CSMD1: variants seen among roughly 807,000 people sequenced by gnomAD.
CSMD1 encodes CUB and Sushi multiple domains 1, also known as CUB and sushi domain-containing protein 1.
Under a neutral mutation model 417.5 loss-of-function variants are expected in CSMD1, and 213 were observed. The ratio of observed to expected loss-of-function variants is 0.51; its 90% CI spans 0.46 to 0.57. The LOEUF (loss-of-function observed/expected upper bound fraction) is 0.57, where lower values mean the gene tolerates loss of function less well. Among genes scored for constraint, CSMD1 ranks in the 20% least tolerant of loss-of-function variants. CSMD1 has a pLI of 0.00. For missense variants in CSMD1, 6,923 were observed against 4,529.7 expected, an observed-to-expected ratio of 1.53 and a Z score of -15.17; for synonymous variants, 2,862 against 1,736.8, an observed-to-expected ratio of 1.65 and a Z score of -16.11.
intron 3 of CSMD1, among the ~76,000 whole-genome samples, chr8:4,363,716 T>C (rs1411433460): frequency 6.6e-6 from 1 of 152,206 alleles, no homozygotes; most frequent in African/African-American, 2.4e-5. Flanking sequence ...AAGTGACTTC[T>C]AGTTCCACCC....
intron 5 of CSMD1, among the ~76,000 whole-genome samples, chr8:3,939,757 T>C (rs1238610567): frequency 6.6e-6 from 1 of 152,106 alleles, no homozygotes; most frequent in Non-Finnish European, 1.5e-5. Context: ...CTAAGTGCAG[T>C]CACTCAGAAA....
At chr8:4,955,775 GTTA>G (rs1563861913) in intron 1 of CSMD1, among the ~76,000 whole-genome samples, 3 of 151,874 alleles carry the variant, frequency 2.0e-5, no homozygotes, top group Non-Finnish European at 2.9e-5. Flanking sequence ...CAAACTGCAT[GTTA>G]GGTGGTGGCG....
chr8:3,098,356 T>G (rs1815484127), intron 46 of CSMD1, among the ~76,000 whole-genome samples: 2 of 152,250 alleles, frequency 1.3e-5, no homozygotes, highest in South Asian at 4.1e-4. Context: ...TGATATGTGT[T>G]TTTATTCAAG....
chr8:4,020,434 C>G (rs982029825), intron 4 of CSMD1, among the ~76,000 whole-genome samples: 8 of 152,192 alleles, frequency 5.3e-5, no homozygotes, highest in South Asian at 2.1e-4. Flanking sequence ...TTTTTCTATG[C>G]TCTATTGATA....
At chr8:4,941,608 ATTTT>A (rs71535913) in intron 1 of CSMD1, among the ~76,000 whole-genome samples, 2 of 150,684 alleles carry the variant, frequency 1.3e-5, no homozygotes, top group Admixed American at 6.6e-5. Context: ...TTTAATTTTT[ATTTT>A]TTTTGAGACA....
At chr8:4,502,986 A>T (rs1802334924) in intron 2 of CSMD1, among the ~76,000 whole-genome samples, 1 of 152,136 alleles carries the variant, frequency 6.6e-6, no homozygotes, top group Non-Finnish European at 1.5e-5. Context: ...GAAAATCAAT[A>T]TTTTCTGGCA....
At chr8:3,581,281 T>G (rs1800372065) in intron 9 of CSMD1, among the ~76,000 whole-genome samples, 1 of 152,350 alleles carries the variant, frequency 6.6e-6, no homozygotes, top group African/African-American at 2.4e-5. Flanking sequence ...AAACAGCTCG[T>G]AATGTCTTAC....
intron 1 of CSMD1, among the ~76,000 whole-genome samples, chr8:4,725,997 A>G (rs1357111705): frequency 6.6e-6 from 1 of 152,152 alleles, no homozygotes; most frequent in Non-Finnish European, 1.5e-5. Context: ...ATCACGAACT[A>G]GTTGTAAGAA....
At chr8:3,850,512 TG>T (rs1803824590) in intron 5 of CSMD1, among the ~76,000 whole-genome samples, 1 of 152,016 alleles carries the variant, frequency 6.6e-6, no homozygotes, top group African/African-American at 2.4e-5. Flanking sequence ...TTGGCCAACA[TG>T]GCAAAACCCC....
At chr8:3,940,445 A>C (rs1272598382) in intron 5 of CSMD1, among the ~76,000 whole-genome samples, 1 of 152,044 alleles carries the variant, frequency 6.6e-6, no homozygotes, top group African/African-American at 2.4e-5. Context: ...AGTAAAACAT[A>C]AGCACCTTTC....
chr8:4,988,073 G>T (rs1465604506), intron 1 of CSMD1, among the ~76,000 whole-genome samples: 2 of 152,116 alleles, frequency 1.3e-5, no homozygotes, highest in East Asian at 1.9e-4. Flanking sequence ...TATTTGTTCT[G>T]TCCCTCTAGA....
intron 1 of CSMD1, among the ~76,000 whole-genome samples, chr8:4,656,353 T>C (rs1241147694): frequency 6.6e-6 from 1 of 151,994 alleles, no homozygotes; most frequent in South Asian, 2.1e-4. Flanking sequence ...CCAGGCATGG[T>C]TGTGCAAAGT....
At chr8:4,788,330 T>C in intron 1 of CSMD1, 1 of 1,553,828 alleles carries the variant, frequency 6.4e-7, no homozygotes, top group East Asian at 2.3e-5. Context: ...CAGTGATGTC[T>C]GGGAACACTG....
At chr8:4,798,044 G>C (rs967708940) in intron 1 of CSMD1, among the ~76,000 whole-genome samples, 2 of 152,150 alleles carry the variant, frequency 1.3e-5, no homozygotes, top group African/African-American at 2.4e-5. Context: ...TTAAGTTCTA[G>C]GGTACATGCG....
At chr8:4,143,365 T>TTA in intron 3 of CSMD1, among the ~76,000 whole-genome samples, 1 of 84,324 alleles carries the variant, frequency 1.2e-5, no homozygotes, top group Non-Finnish European at 2.2e-5. Flanking sequence ...TAATGACGTC[T>TTA]TATCCCTTTT....
intron 3 of CSMD1, among the ~76,000 whole-genome samples, chr8:4,403,068 T>A (rs58757692): frequency 0.024 from 3,610 of 151,958 alleles, 129 homozygotes; most frequent in African/African-American, 0.083. Context: ...CCTGACCTCG[T>A]GATCCGCTCG....
chr8:3,294,171 G>A (rs978083558), intron 25 of CSMD1, among the ~76,000 whole-genome samples: 1 of 152,188 alleles, frequency 6.6e-6, no homozygotes, highest in Non-Finnish European at 1.5e-5. Flanking sequence ...GCTGCTGTCT[G>A]ATCATTCCTC....
chr8:3,440,775 T>A (rs1814924390), intron 12 of CSMD1, among the ~76,000 whole-genome samples: 1 of 152,156 alleles, frequency 6.6e-6, no homozygotes, highest in Non-Finnish European at 1.5e-5. Context: ...CTAAGTGTTT[T>A]TTTGTTTTGT....
At chr8:3,993,425 A>C (rs1467509386) in intron 5 of CSMD1, among the ~76,000 whole-genome samples, 1 of 152,164 alleles carries the variant, frequency 6.6e-6, no homozygotes, top group East Asian at 1.9e-4. Context: ...TAAACACTGG[A>C]AGCATTAACT....
Sources: allele counts gnomAD v4.1 joint callset (sites outside exome capture counted in the v4.1 genomes callset), GRCh38; gene constraint gnomAD v4.1.1; transcripts MANE v1.5; gene names NCBI Gene and HGNC (gene_info 2026-07-23, HGNC 2026-07-21).